COG5: variants seen among roughly 807,000 people sequenced by gnomAD.
COG5 encodes component of oligomeric golgi complex 5, also known as conserved oligomeric Golgi complex subunit 5.
In COG5, 86 loss-of-function variants were observed where a neutral mutation model predicts 110.4. The observed-to-expected ratio is 0.78, with a 90% CI of 0.65 to 0.93. COG5 has a LOEUF of 0.93. Among genes scored for constraint, COG5 ranks in the 40% least tolerant of loss-of-function variants. The pLI, the probability that COG5 is intolerant of heterozygous loss-of-function variation, is 0.00. For synonymous variants in COG5, 360 were observed against 334.6 expected (o/e 1.08, Z -0.83); for missense variants, 1,077 against 987.0 (o/e 1.09, Z -1.22).
At chr7:107,490,165 A>C (rs1277256437) in intron 6 of COG5, among the ~76,000 whole-genome samples, 1 of 152,080 alleles carries the variant, frequency 6.6e-6, no homozygotes, top group Non-Finnish European at 1.5e-5. Flanking sequence ...CACTTTTCTT[A>C]AATGTTTCTA....
chr7:107,211,062 A>G (rs1377972019), intron 20 of COG5, 37 bp downstream of exon 20: 1 of 1,611,714 alleles, frequency 6.2e-7, no homozygotes. Context: ...TAATGGGAAG[A>G]GTCACAAAAG....
At chr7:107,386,532 T>C (rs927284959) in intron 7 of COG5, among the ~76,000 whole-genome samples, 16 of 152,164 alleles carry the variant, frequency 1.1e-4, no homozygotes, top group South Asian at 4.1e-4. Flanking sequence ...CAGTAAGTCA[T>C]TGGTGCCCAC....
chr7:107,489,104 T>G (rs969639062), intron 6 of COG5, among the ~76,000 whole-genome samples: 1 of 152,206 alleles, frequency 6.6e-6, no homozygotes, highest in Non-Finnish European at 1.5e-5. Context: ...ATTCATTAAG[T>G]TGTACATTTA....
intron 19 of COG5, among the ~76,000 whole-genome samples, chr7:107,226,502 G>T (rs1800349059): frequency 6.6e-6 from 1 of 152,214 alleles, no homozygotes; most frequent in Admixed American, 6.5e-5. Context: ...GCTCTGTACT[G>T]ATTTACTCCT....
At chr7:107,550,003 G>A (rs1004932334) in intron 3 of COG5, among the ~76,000 whole-genome samples, 9 of 151,590 alleles carry the variant, frequency 5.9e-5, no homozygotes, top group African/African-American at 2.2e-4. Context: ...CTATCTCTCT[G>A]TCCTCTTTCT....
chr7:107,465,845 G>A (rs1796263784), intron 6 of COG5, among the ~76,000 whole-genome samples: 1 of 152,198 alleles, frequency 6.6e-6, no homozygotes, highest in South Asian at 2.1e-4. Context: ...AAAATGTTAT[G>A]TATCTAACTA....
At position 107,332,781 on chromosome 7, in the gene COG5, G is replaced by A. The variant is rs886648941; in HGVS notation, c.1027-8260C>T. Among the ~76,000 whole-genome samples, 3 of 152,154 alleles carry A rather than the reference G, an allele frequency of 2.0e-5. No individual in the cohort carries two copies. The Middle Eastern group carries it at 0.01, about 518-fold the overall frequency. On this transcript the variant is annotated intron_variant, in intron 10 of 21. Transcript: ENST00000297135. ...TGAGTGTGAAGGAAAAAAGTGTTTA[G>A]AAGAAAATAAAGGACTCAGGTTTCT...
intron 16 of COG5, among the ~76,000 whole-genome samples, chr7:107,250,061 G>C (rs1268180239): frequency 2.0e-5 from 3 of 152,084 alleles, no homozygotes; most frequent in Non-Finnish European, 4.4e-5. Context: ...CCAATGATGG[G>C]TTTTAAGCAA....
chr7:107,475,194 G>T, intron 6 of COG5: 5 of 1,611,856 alleles, frequency 3.1e-6, no homozygotes, highest in Non-Finnish European at 3.4e-6. Context: ...AAAAGGTCTT[G>T]AAAAGTAAAA....
chr7:107,279,793 T>C (rs1337165955), intron 14 of COG5, among the ~76,000 whole-genome samples: 1 of 152,034 alleles, frequency 6.6e-6, no homozygotes, highest in Non-Finnish European at 1.5e-5. Flanking sequence ...AAAATGACAA[T>C]GATTTTCTGT....
chr7:107,509,316 A>G (rs1418903450), intron 6 of COG5, among the ~76,000 whole-genome samples: 2 of 152,198 alleles, frequency 1.3e-5, no homozygotes, highest in African/African-American at 4.8e-5. Context: ...GACGAAATGA[A>G]TGAACTGAAG....
At chr7:107,396,797 T>A (rs1227602640) in intron 7 of COG5, among the ~76,000 whole-genome samples, 1 of 152,170 alleles carries the variant, frequency 6.6e-6, no homozygotes, top group Non-Finnish European at 1.5e-5. Flanking sequence ...ATATTCCAAG[T>A]CATATTAGAT....
chr7:107,325,375 G>A (rs1338972333), intron 10 of COG5, among the ~76,000 whole-genome samples: 1 of 152,170 alleles, frequency 6.6e-6, no homozygotes, highest in Non-Finnish European at 1.5e-5. Flanking sequence ...TTAAGACTGG[G>A]CACAGTGGCT....
At chr7:107,308,682 G>T (rs1001982182) in intron 11 of COG5, among the ~76,000 whole-genome samples, 2 of 151,302 alleles carry the variant, frequency 1.3e-5, no homozygotes, top group Non-Finnish European at 3.0e-5. Context: ...GTTTGATCGT[G>T]TTCCTTTTAT....
chr7:107,547,079 A>T (rs1802508711), intron 5 of COG5, among the ~76,000 whole-genome samples: 1 of 152,210 alleles, frequency 6.6e-6, no homozygotes, highest in Non-Finnish European at 1.5e-5. Flanking sequence ...CAGGAAAAGA[A>T]AATTACAGGT....
chr7:107,475,275 G>C (rs755787034), intron 6 of COG5: 1 of 1,600,618 alleles, frequency 6.2e-7, no homozygotes, highest in South Asian at 1.1e-5. Flanking sequence ...ACAACTCTTG[G>C]ATAGATCCTA....
At chr7:107,421,494 C>T (rs1204021833) in intron 6 of COG5, among the ~76,000 whole-genome samples, 4 of 152,096 alleles carry the variant, frequency 2.6e-5, no homozygotes, top group Non-Finnish European at 5.9e-5. Context: ...TGAAATAATA[C>T]AAAGTATGTT....
intron 11 of COG5, among the ~76,000 whole-genome samples, chr7:107,303,311 T>C (rs1807440686): frequency 6.6e-6 from 1 of 152,190 alleles, no homozygotes; most frequent in Non-Finnish European, 1.5e-5. Flanking sequence ...AAACTTTGTC[T>C]ATATTATCTC....
rs1796851716 is a variant in COG5, at chr7:107,474,527, G to A, written c.538+52710C>T. The A allele has an allele frequency of 1.2e-6, 2 of 1,611,944 alleles. No homozygotes were observed. Among genetic ancestry groups the A allele is most frequent in the Non-Finnish European group, 1.7e-6 (2 of 1,178,454 alleles). On this transcript the variant is annotated intron_variant, in intron 6 of 21. Transcript: ENST00000297135. The surrounding 1 kb of genome is among the most constrained non-coding windows in gnomAD (Gnocchi z 5.7). ...GCAAACCGAATTCTGACAATGGGCAGAGCTGTAATGTTAATGATATCCATT... is the reference window on the plus strand; with the variant it reads ...GCAAACCGAATTCTGACAATGGGCAAAGCTGTAATGTTAATGATATCCATT...
Sources: allele counts gnomAD v4.1 joint callset (sites outside exome capture counted in the v4.1 genomes callset), GRCh38; gene constraint gnomAD v4.1.1; non-coding constraint Gnocchi (gnomAD v3.1); transcripts MANE v1.5; gene names NCBI Gene and HGNC (gene_info 2026-07-23, HGNC 2026-07-21).